FAF1: variants seen among roughly 807,000 people sequenced by gnomAD.
The protein encoded by FAF1 is Fas associated factor 1.
A neutral mutation model predicts 92.5 loss-of-function variants in FAF1; 25 were observed. The observed-to-expected ratio is 0.27, with a 90% CI of 0.20 to 0.38. The LOEUF (loss-of-function observed/expected upper bound fraction) is 0.38, where lower values mean the gene tolerates loss of function less well. Among genes scored for constraint, FAF1 ranks in the 10% least tolerant of loss-of-function variants. The probability of loss-of-function intolerance (pLI) is 1.00; values close to 1 mark genes in which losing one functional copy is unlikely to be tolerated. For synonymous variants in FAF1, 234 were observed against 273.2 expected, an observed-to-expected ratio of 0.86 and a Z score of 1.42; for missense variants, 636 against 793.3, an observed-to-expected ratio of 0.80 and a Z score of 2.38.
chr1:50,582,787 G>A, intron 11 of FAF1, 88 bp from the exon 12 acceptor site: 2 of 846,728 alleles, frequency 2.4e-6, no homozygotes, highest in South Asian at 1.4e-5. Context: ...TTAAGTAAAT[G>A]TTGGGGCTAA....
intron 13 of FAF1, among the ~76,000 whole-genome samples, chr1:50,541,670 T>G (rs1391532646): frequency 6.6e-6 from 1 of 151,952 alleles, no homozygotes; most frequent in East Asian, 1.9e-4. Flanking sequence ...TATAACAAAT[T>G]ATCTGCCCAT....
chr1:50,613,497 T>G (rs1440741411), intron 8 of FAF1, among the ~76,000 whole-genome samples: 1 of 152,242 alleles, frequency 6.6e-6, no homozygotes, highest in Non-Finnish European at 1.5e-5. Context: ...TCATGGGAAT[T>G]ACAGTAATCC....
chr1:50,621,384 T>C (rs1311246340), intron 8 of FAF1, among the ~76,000 whole-genome samples: 1 of 143,194 alleles, frequency 7.0e-6, no homozygotes, highest in East Asian at 2.0e-4. Context: ...CCGATCTTTC[T>C]TTTTTTCTTT....
chr1:50,909,048 A>G (rs561258236), intron 1 of FAF1, among the ~76,000 whole-genome samples: 2 of 152,136 alleles, frequency 1.3e-5, no homozygotes, highest in Non-Finnish European at 2.9e-5. Context: ...CTTCCTTCAG[A>G]AGCTCTTGTA....
At chr1:50,913,648 G>A (rs1310602591) in intron 1 of FAF1, among the ~76,000 whole-genome samples, 1 of 152,180 alleles carries the variant, frequency 6.6e-6, no homozygotes, top group Non-Finnish European at 1.5e-5. Context: ...ATGTCTTAAT[G>A]AGTTTCTAAC....
At chr1:50,531,140 G>T (rs1225774913) in intron 15 of FAF1, among the ~76,000 whole-genome samples, 2 of 152,150 alleles carry the variant, frequency 1.3e-5, no homozygotes, top group African/African-American at 4.8e-5. Flanking sequence ...TTTTGCCCAT[G>T]TTCCACTAAT....
At chr1:50,784,625 A>G (rs1182361912) in intron 4 of FAF1, among the ~76,000 whole-genome samples, 1 of 152,240 alleles carries the variant, frequency 6.6e-6, no homozygotes, top group East Asian at 1.9e-4. Flanking sequence ...AGTGATCTGC[A>G]GATTCAATGC....
intron 18 of FAF1, among the ~76,000 whole-genome samples, chr1:50,453,330 G>A (rs1334724449): frequency 6.6e-6 from 1 of 152,176 alleles, no homozygotes; most frequent in Non-Finnish European, 1.5e-5. Flanking sequence ...AGGGCCATGC[G>A]AGCTGGTGTG....
intron 5 of FAF1, among the ~76,000 whole-genome samples, chr1:50,742,613 G>A (rs1659433690): frequency 6.6e-6 from 1 of 152,092 alleles, no homozygotes; most frequent in Non-Finnish European, 1.5e-5. Flanking sequence ...CAGACTCCTG[G>A]CCTCAAGTGA....
chr1:50,630,722 A>G (rs1320072733), intron 8 of FAF1, among the ~76,000 whole-genome samples: 1 of 152,088 alleles, frequency 6.6e-6, no homozygotes, highest in African/African-American at 2.4e-5. Flanking sequence ...AGTGTATCAT[A>G]TAATAATACA....
intron 12 of FAF1, among the ~76,000 whole-genome samples, chr1:50,576,460 C>T (rs554842917): frequency 3.3e-5 from 5 of 152,296 alleles, no homozygotes; most frequent in African/African-American, 1.2e-4. Flanking sequence ...AACAATCCTT[C>T]ACATGGGAGA....
At chr1:50,685,925 A>G (rs1656636675) in intron 7 of FAF1, among the ~76,000 whole-genome samples, 3 of 152,224 alleles carry the variant, frequency 2.0e-5, no homozygotes, top group Admixed American at 6.5e-5. Context: ...TCAACTAGAA[A>G]TATAAATGAT....
chr1:50,685,121 G>A (rs1315835573), intron 7 of FAF1, among the ~76,000 whole-genome samples: 3 of 152,206 alleles, frequency 2.0e-5, no homozygotes, highest in East Asian at 3.8e-4. Flanking sequence ...AGGAGAAGGG[G>A]TAAGGCTGAG....
At chr1:50,493,870 A>G (rs896388742) in intron 15 of FAF1, among the ~76,000 whole-genome samples, 2 of 152,222 alleles carry the variant, frequency 1.3e-5, no homozygotes, top group Non-Finnish European at 2.9e-5. Flanking sequence ...ATGTACACGT[A>G]AAAAACGGAC....
At chr1:50,601,303 G>A (rs1015862155) in intron 8 of FAF1, among the ~76,000 whole-genome samples, 2 of 152,178 alleles carry the variant, frequency 1.3e-5, no homozygotes, top group Admixed American at 1.3e-4. Context: ...CAAGTTGTTA[G>A]TAAAACACAG....
chr1:50,441,388 A>G lies in FAF1; in HGVS notation c.*52T>C, dbSNP rs911470911. The G allele has an allele frequency of 6.6e-6, 8 of 1,203,926 alleles. No homozygotes were observed. In the African/African-American group the frequency reaches 1.1e-4, roughly 16 times the overall value. 74.6% of individuals were successfully genotyped at this position (1,203,926 alleles called of 1,614,324 possible). A position where few individuals can be genotyped will look rare whatever the true frequency, so the allele number is the denominator to read the frequency against. ...GGGTTGGCGAGGAGCCCTTCTCCTG[A>G]CGCAGGCTGCTGGCTTGTCAAGGAA... On this transcript the variant is annotated 3_prime_UTR_variant, in exon 19 of 19. Coordinates refer to ENST00000396153, the MANE Select transcript of FAF1 (RefSeq NM_007051.3).
intron 1 of FAF1, among the ~76,000 whole-genome samples, chr1:50,959,349 A>G (rs1480160061): frequency 2.0e-5 from 3 of 152,090 alleles, no homozygotes; most frequent in Non-Finnish European, 4.4e-5. Context: ...CCTTAATACA[A>G]TATAAATACA....
chr1:50,953,154 C>T (rs1042245505), intron 1 of FAF1, among the ~76,000 whole-genome samples: 4 of 152,066 alleles, frequency 2.6e-5, no homozygotes, highest in African/African-American at 9.7e-5. Context: ...GGATTAAGGG[C>T]GGTGCAAGAT....
chr1:50,942,953 G>A (rs577108647), intron 1 of FAF1, among the ~76,000 whole-genome samples: 1 of 152,248 alleles, frequency 6.6e-6, no homozygotes, highest in South Asian at 2.1e-4. Flanking sequence ...CCTTCAAGGT[G>A]CAAGCAACCA....
Sources: allele counts gnomAD v4.1 joint callset (sites outside exome capture counted in the v4.1 genomes callset), GRCh38; gene constraint gnomAD v4.1.1; transcripts MANE v1.5; gene names NCBI Gene and HGNC (gene_info 2026-07-23, HGNC 2026-07-21).